Variants in TIAM1 observed in about 807,000 individuals in gnomAD.
TIAM1 encodes TIAM Rac1 associated GEF 1.
A neutral mutation model predicts 163.5 loss-of-function variants in TIAM1; 65 were observed. That is an observed-to-expected ratio of 0.40 (90% CI 0.33 to 0.49). TIAM1 has a LOEUF of 0.49. Among genes scored for constraint, TIAM1 ranks in the 20% least tolerant of loss-of-function variants. The pLI is 0.77. For synonymous variants in TIAM1, 833 were observed against 810.1 expected (o/e 1.03, Z -0.48); for missense variants, 1,789 against 2,044.7 (o/e 0.87, Z 2.41).
chr21:31,146,875 C>CA lies in TIAM1; in HGVS notation c.3475+19dup, dbSNP rs1568916582. On this transcript the variant is annotated intron_variant, in intron 20 of 27. Coordinates refer to ENST00000541036, the MANE Select transcript of TIAM1 (RefSeq NM_001353694.2). Reference sequence around the variant, plus strand: ...CTGACAAGCAACACACCCCCACCTCCACATCCTCAGAGGCCTTACCTTTCA... The same window carrying CA: ...CTGACAAGCAACACACCCCCACCTCCAACATCCTCAGAGGCCTTACCTTTCA... The CA allele has an allele frequency of 6.2e-7, 1 of 1,603,798 alleles. No individual in the cohort carries two copies. The highest frequency in any genetic ancestry group is 2.2e-5 in the East Asian group (1 of 44,806).
chr21:31,248,239 T>TAA (rs2071611569), intron 5 of TIAM1, among the ~76,000 whole-genome samples: 1 of 152,196 alleles, frequency 6.6e-6, no homozygotes, highest in African/African-American at 2.4e-5. Flanking sequence ...AAGAAGCCTG[T>TAA]GGATAATGAA....
At chr21:31,252,252 C>A in intron 4 of TIAM1, 63 bp from the exon 5 acceptor site, 1 of 1,534,626 alleles carries the variant, frequency 6.5e-7, no homozygotes, top group Non-Finnish European at 8.8e-7. Flanking sequence ...CCCAGGGTCA[C>A]GTGGAGAAGA....
chr21:31,254,141 TAACATC>T (rs1055721482), intron 4 of TIAM1, among the ~76,000 whole-genome samples: 3 of 152,328 alleles, frequency 2.0e-5, no homozygotes, highest in Non-Finnish European at 4.4e-5. Context: ...GCTACACAGG[TAACATC>T]CCTATTCCAT....
intron 1 of TIAM1, among the ~76,000 whole-genome samples, chr21:31,532,867 G>A (rs2048014226): frequency 6.6e-6 from 1 of 152,126 alleles, no homozygotes; most frequent in African/African-American, 2.4e-5. Context: ...GGATCCTTGT[G>A]TCCTGTAGGT....
At chr21:31,420,043 C>G (rs1285425062) in intron 2 of TIAM1, among the ~76,000 whole-genome samples, 2 of 152,166 alleles carry the variant, frequency 1.3e-5, no homozygotes, top group Non-Finnish European at 2.9e-5. Flanking sequence ...AAGCAAAACT[C>G]CGTCTCAAAA....
At chr21:31,557,767 C>A (rs2048932957) in intron 1 of TIAM1, among the ~76,000 whole-genome samples, 1 of 152,152 alleles carries the variant, frequency 6.6e-6, no homozygotes, top group East Asian at 1.9e-4. Flanking sequence ...GACCTGCCAG[C>A]GCGCGGGAAA....
At chr21:31,305,187 C>A (rs2074654034) in intron 2 of TIAM1, among the ~76,000 whole-genome samples, 1 of 152,176 alleles carries the variant, frequency 6.6e-6, no homozygotes, top group African/African-American at 2.4e-5. Flanking sequence ...CACTAAAATG[C>A]TGACTTTTAA....
intron 2 of TIAM1, among the ~76,000 whole-genome samples, chr21:31,453,809 GA>G (rs1214677538): frequency 0.019 from 1 of 54 alleles, no homozygotes; most frequent in Non-Finnish European, 0.028. Flanking sequence ...ATGGCCAAAA[GA>G]GGGGGGAAAT....
intron 13 of TIAM1, among the ~76,000 whole-genome samples, chr21:31,191,736 C>A (rs2146480632): frequency 6.6e-6 from 1 of 152,298 alleles, no homozygotes; most frequent in Non-Finnish European, 1.5e-5. Flanking sequence ...GTCATACCCT[C>A]CTCAGGGGGT....
At chr21:31,180,225 GAA>G (rs1213885570) in intron 15 of TIAM1, among the ~76,000 whole-genome samples, 3 of 152,024 alleles carry the variant, frequency 2.0e-5, no homozygotes, top group African/African-American at 7.3e-5. Context: ...TAAAAAAGAA[GAA>G]AGAAATAGAC....
At position 31,552,948 on chromosome 21, in the gene TIAM1, C is replaced by A. The variant is rs924954178; in HGVS notation, c.-422+5979G>T. The stretch of plus-strand genomic sequence containing the variant: ...AAAATTTCAGGTGAAAGGAAGTGCA[C>A]GTGGCACCGCCTTCATCTCTCCACC... On this transcript the variant is annotated intron_variant, in intron 1 of 28. Transcript: ENST00000286827. Among the ~76,000 whole-genome samples, 14 of 152,254 alleles carry A rather than the reference C, an allele frequency of 9.2e-5. No individual in the cohort carries two copies. In the South Asian group the frequency reaches 2.9e-3, roughly 32 times the overall value.
chr21:31,287,905 A>G (rs961447248), intron 2 of TIAM1, among the ~76,000 whole-genome samples: 4 of 152,154 alleles, frequency 2.6e-5, no homozygotes, highest in Admixed American at 1.3e-4. Context: ...CAAGCCATCA[A>G]TAAGTTGGGA....
chr21:31,526,876 A>G (rs930538548), intron 1 of TIAM1, among the ~76,000 whole-genome samples: 5 of 152,024 alleles, frequency 3.3e-5, no homozygotes, highest in African/African-American at 1.2e-4. Flanking sequence ...TCATTTTGGT[A>G]TTTTTAGTAG....
At position 31,266,844 on chromosome 21, in the gene TIAM1, G is replaced by A. The variant is rs980052829; in HGVS notation, c.129C>T (p.Ser43=). 5.0e-6 allele frequency: 8 copies of A among 1,614,070 alleles called. No individual in the cohort carries two copies. The highest frequency in any genetic ancestry group is 5.9e-6 in the Non-Finnish European group (7 of 1,180,048). ...AGTTCCTGTGGATCACCTTCCCCGA[G>A]GAAGCGTGCCTGGTCCTCCGCGTCT... ...SHKTRRTRHA[S]SGKVIHRNSE... Residue 43 remains serine (S), a synonymous_variant, in exon 4 of 28, where the codon TCC becomes TCT. Transcript: ENST00000541036.
At chr21:31,325,179 G>A (rs2075444134) in intron 2 of TIAM1, among the ~76,000 whole-genome samples, 1 of 151,886 alleles carries the variant, frequency 6.6e-6, no homozygotes, top group Non-Finnish European at 1.5e-5. Context: ...ACCTACTCAG[G>A]AGGCAGAGGT....
At chr21:31,488,775 T>C (rs550404309) in intron 1 of TIAM1, among the ~76,000 whole-genome samples, 3 of 152,152 alleles carry the variant, frequency 2.0e-5, no homozygotes, top group Admixed American at 2.0e-4. Flanking sequence ...GGGATTATTA[T>C]AATTCAAGGT....
chr21:31,477,201 C>T (rs1428780652), intron 1 of TIAM1, among the ~76,000 whole-genome samples: 10 of 152,182 alleles, frequency 6.6e-5, no homozygotes, highest in Admixed American at 6.5e-4. Context: ...TTTCCACAGT[C>T]TGTGAAATAG....
intron 6 of TIAM1, among the ~76,000 whole-genome samples, chr21:31,235,538 G>C (rs2088704692): frequency 6.6e-6 from 1 of 152,184 alleles, no homozygotes; most frequent in South Asian, 2.1e-4. Context: ...GTATAAACAT[G>C]TTAATGAGGG....
intron 15 of TIAM1, among the ~76,000 whole-genome samples, chr21:31,176,281 A>G (rs1225117833): frequency 1.3e-5 from 2 of 152,206 alleles, no homozygotes; most frequent in African/African-American, 4.8e-5. Flanking sequence ...CCTCATACAA[A>G]TACAGTTCTG....
Sources: allele counts gnomAD v4.1 joint callset (sites outside exome capture counted in the v4.1 genomes callset), GRCh38; gene constraint gnomAD v4.1.1; transcripts MANE v1.5; gene names NCBI Gene and HGNC (gene_info 2026-07-23, HGNC 2026-07-21).